Variants in SAP30BP observed in about 807,000 individuals in gnomAD.
SAP30BP encodes SAP30-binding protein.
SAP30BP carries 31 observed loss-of-function variants against 46.3 expected under a neutral mutation model. The ratio of observed to expected loss-of-function variants is 0.67; its 90% CI spans 0.50 to 0.90. The LOEUF is 0.90. Ranked by LOEUF, SAP30BP falls within the 40% of genes least tolerant of loss-of-function variation. The pLI is 0.00. For synonymous variants in SAP30BP, 169 were observed against 144.2 expected (o/e 1.17, Z -1.23); for missense variants, 312 against 391.0 (o/e 0.80, Z 1.70).
At chr17:75,682,687 GGC>G (rs2060095679) in intron 3 of SAP30BP, among the ~76,000 whole-genome samples, 1 of 152,016 alleles carries the variant, frequency 6.6e-6, no homozygotes, top group Non-Finnish European at 1.5e-5. Context: ...TATGAGGCTG[GGC>G]GCAGTGGCTC....
intron 3 of SAP30BP, chr17:75,684,477 A>G (rs1290401172): frequency 6.6e-6 from 1 of 152,232 alleles, no homozygotes; most frequent in African/African-American, 2.4e-5. Flanking sequence ...AGGACCAGAG[A>G]AGGAAATGGC....
intron 3 of SAP30BP, among the ~76,000 whole-genome samples, chr17:75,687,275 A>G (rs1318101055): frequency 6.6e-6 from 1 of 152,210 alleles, no homozygotes; most frequent in Non-Finnish European, 1.5e-5. Flanking sequence ...ACTATACAGT[A>G]ATTATTTTTG....
rs117649725 is a variant in SAP30BP, at chr17:75,686,891, A to G, written c.265-6549A>G. ...CTAGCCCCCAACCATGTCTCTGTCA[A>G]ACCAACATCATTTTATTCTGGAACT... On this transcript the variant is annotated intron_variant, in intron 3 of 10. Coordinates refer to ENST00000584667, the MANE Select transcript of SAP30BP (RefSeq NM_013260.8). 1.1e-3 allele frequency among the ~76,000 whole-genome samples: 170 copies of G among 152,328 alleles called. 1 individual carries two copies. The Middle Eastern group carries it at 0.02, about 18-fold the overall frequency.
rs772567611 is a variant in SAP30BP, at chr17:75,706,022, G to A, written c.675G>A (p.Thr225=). ...TCCCTCTCCAGATTGAGTTTGTGAC[G>A]GGCACCAAAAAAGGCACCACGACCA... ...KKERTKIEFV[T]GTKKGTTTNA... is the part of the protein sequence containing the mutation. The change falls in exon 10 of 11, where the codon ACG becomes ACA. Residue 225 remains threonine (T), a synonymous_variant. Transcript: ENST00000584667. This position sits in a 1 kb window ranked among gnomAD's most constrained non-coding sequence, Gnocchi z 4.6. 1.1e-5 allele frequency: 17 copies of A among 1,613,332 alleles called. No individual in the cohort carries two copies. Among genetic ancestry groups the A allele is most frequent in the African/African-American group, 4.0e-5 (3 of 74,870 alleles).
chr17:75,694,792 G>T (rs1219281330), intron 4 of SAP30BP, among the ~76,000 whole-genome samples: 1 of 152,250 alleles, frequency 6.6e-6, no homozygotes, highest in Non-Finnish European at 1.5e-5. Context: ...TGCTAGTAGT[G>T]CTGGGCAGGC....
At position 75,703,499 on chromosome 17, in the gene SAP30BP, G is replaced by C. The variant is rs924073694; in HGVS notation, c.549+128G>C. ...ACGGCTCGTTGAAAGCACAGTCCCT[G>C]TCTCTTTTGTTTGAGTCCCTATTGT... On this transcript the variant is annotated intron_variant, in intron 7 of 10. Transcript: ENST00000584667. 3.6e-5 allele frequency: 28 copies of C among 782,710 alleles called. 1 individual carries two copies. The highest frequency in any genetic ancestry group is 2.1e-6 in the Non-Finnish European group (1 of 470,648). The allele number at this position is 782,710 out of a possible 1,614,324, so 48.5% of individuals were successfully genotyped here.
chr17:75,697,278 G>C (rs2060337143), intron 4 of SAP30BP, among the ~76,000 whole-genome samples: 1 of 152,218 alleles, frequency 6.6e-6, no homozygotes. Context: ...CGCCTGCCAA[G>C]GCCCTCCTTG....
intron 3 of SAP30BP, among the ~76,000 whole-genome samples, chr17:75,673,081 A>G (rs927503207): frequency 1.3e-5 from 2 of 152,206 alleles, no homozygotes; most frequent in Non-Finnish European, 1.5e-5. Context: ...TTGAAAATAT[A>G]GTGTGAGCTG....
At chr17:75,683,192 C>T (rs1416017566) in intron 3 of SAP30BP, among the ~76,000 whole-genome samples, 2 of 150,434 alleles carry the variant, frequency 1.3e-5, no homozygotes, top group East Asian at 3.9e-4. Flanking sequence ...TACAGGTGCA[C>T]ACCACCACGC....
At chr17:75,677,106 C>CTT (rs35919373) in intron 3 of SAP30BP, among the ~76,000 whole-genome samples, 4,406 of 113,448 alleles carry the variant, frequency 0.039, 192 homozygotes, top group Middle Eastern at 0.062. Context: ...TGGCAGAAAA[C>CTT]TTTTTTTTTT....
At position 75,706,742 on chromosome 17, in the gene SAP30BP, A is replaced by G; in HGVS notation, c.*221A>G. The stretch of plus-strand genomic sequence containing the variant: ...CCACCTGGGGTCTGCCGCCTATTAA[A>G]AGTGCCGTATTCTTACCTCTTGGCA... On this transcript the variant is annotated 3_prime_UTR_variant, in exon 11 of 11. Transcript: ENST00000584667. This position sits in a 1 kb window ranked among gnomAD's most constrained non-coding sequence, Gnocchi z 4.6. 1.8e-6 allele frequency: 1 copy of G among 571,122 alleles called. No homozygotes were observed. Among genetic ancestry groups the G allele is most frequent in the South Asian group, 2.2e-5 (1 of 45,782 alleles). The allele number at this position is 571,122 out of a possible 1,614,324, so 35.4% of individuals were successfully genotyped here. A position where few individuals can be genotyped will look rare whatever the true frequency, so the allele number is the denominator to read the frequency against.
At chr17:75,691,656 G>C (rs768709898) in intron 3 of SAP30BP, 1 of 368,460 alleles carries the variant, frequency 2.7e-6, no homozygotes, top group African/African-American at 2.1e-5. Flanking sequence ...ATGAGAAGGG[G>C]TGGGTGTGGT....
At chr17:75,698,198 C>T (rs934081437) in intron 4 of SAP30BP, among the ~76,000 whole-genome samples, 3 of 152,244 alleles carry the variant, frequency 2.0e-5, no homozygotes, top group Non-Finnish European at 4.4e-5. Context: ...GCCTGCCGGA[C>T]AGTGGCAGAT....
chr17:75,685,911 T>G (rs1285147556), intron 3 of SAP30BP, among the ~76,000 whole-genome samples: 1 of 150,424 alleles, frequency 6.6e-6, no homozygotes, highest in African/African-American at 2.4e-5. Context: ...TTCTGTAACT[T>G]TCAAGAAACC....
At chr17:75,691,461 G>A (rs1389077818) in intron 3 of SAP30BP, 2 of 456,528 alleles carry the variant, frequency 4.4e-6, no homozygotes, top group East Asian at 1.4e-4. Flanking sequence ...CCATCTCCAG[G>A]TTCACAAAAG....
chr17:75,671,747 T>C (rs545690039), intron 2 of SAP30BP, 69 bp from the exon 3 acceptor site: 1 of 1,217,740 alleles, frequency 8.2e-7, no homozygotes, highest in East Asian at 2.3e-5. Context: ...CTCCGGCCCC[T>C]AGTTATGCAT....
intron 3 of SAP30BP, among the ~76,000 whole-genome samples, chr17:75,673,382 G>A (rs951778369): frequency 1.3e-5 from 2 of 152,124 alleles, no homozygotes; most frequent in African/African-American, 2.4e-5. Context: ...AGCTCTCCTC[G>A]GGCTTGCAGA....
chr17:75,699,663 G>T, intron 4 of SAP30BP, 120 bp from the exon 5 acceptor site: 1 of 675,710 alleles, frequency 1.5e-6, no homozygotes, highest in South Asian at 1.7e-5. Context: ...ACACTCAGTT[G>T]TACTGTTTTC....
Position 75,706,062 on chromosome 17 carries a change from A to G in SAP30BP, c.715A>G (p.Thr239Ala). Residue 239 changes from threonine (T) to alanine (A), a missense_variant, in exon 10 of 11, where the codon ACC becomes GCC. Coordinates refer to ENST00000584667, the MANE Select transcript of SAP30BP (RefSeq NM_013260.8). This position sits in a 1 kb window ranked among gnomAD's most constrained non-coding sequence, Gnocchi z 4.6. ...CACCACGACCAACGCCACGTCCACCACCACTACCACTGCCAGCACAGCTGT... is the reference window on the plus strand; with the variant it reads ...CACCACGACCAACGCCACGTCCACCGCCACTACCACTGCCAGCACAGCTGT... ...KGTTTNATSTTTTTASTAVAD... is the reference protein window; with the variant it reads ...KGTTTNATSTATTTASTAVAD... 6.2e-7 allele frequency: 1 copy of G among 1,613,340 alleles called. No individual in the cohort carries two copies. The highest frequency in any genetic ancestry group is 8.5e-7 in the Non-Finnish European group (1 of 1,179,734).
Sources: gnomAD v4.1 joint callset for allele counts (sites outside exome capture counted in the v4.1 genomes callset) on GRCh38, gnomAD v4.1.1 for gene constraint, Gnocchi (gnomAD v3.1) non-coding constraint, MANE v1.5 for transcripts, NCBI Gene and HGNC (gene_info 2026-07-23, HGNC 2026-07-21) for gene names.